The following ITIH5 variants were observed in gnomAD, a reference collection of about 807,000 sequenced individuals.
ITIH5 encodes inter-alpha-trypsin inhibitor heavy chain H5.
Under a neutral mutation model 77.5 loss-of-function variants are expected in ITIH5, and 65 were observed. That is an observed-to-expected ratio of 0.84 (90% CI 0.69 to 1.03). The LOEUF (loss-of-function observed/expected upper bound fraction) is 1.03, where lower values mean the gene tolerates loss of function less well. Ranked by LOEUF, ITIH5 falls within the 50% of genes least tolerant of loss-of-function variation. The pLI is 0.00. For missense variants in ITIH5, 1,208 were observed against 1,213.1 expected (o/e 1.00, Z 0.06); for synonymous variants, 525 against 494.3 (o/e 1.06, Z -0.82).
intron 7 of ITIH5, among the ~76,000 whole-genome samples, chr10:7,610,830 C>A (rs1174920320): frequency 2.0e-5 from 3 of 152,194 alleles, no homozygotes; most frequent in African/African-American, 7.2e-5. Flanking sequence ...GGGTGGCTCT[C>A]CTGGAAAGAG....
At chr10:7,639,029 A>G (rs1833843180) in intron 4 of ITIH5, among the ~76,000 whole-genome samples, 2 of 152,234 alleles carry the variant, frequency 1.3e-5, no homozygotes, top group Non-Finnish European at 2.9e-5. Flanking sequence ...AAACTCCAGG[A>G]AAAACAGAAA....
At chr10:7,644,818 T>A (rs200362143) in intron 2 of ITIH5, among the ~76,000 whole-genome samples, 7,227 of 106,296 alleles carry the variant, frequency 0.068, 488 homozygotes, top group Admixed American at 0.18. Context: ...CACATATATA[T>A]CATATATATC....
intron 5 of ITIH5, among the ~76,000 whole-genome samples, chr10:7,634,987 C>T (rs966245787): frequency 3.3e-5 from 5 of 152,062 alleles, no homozygotes; most frequent in Admixed American, 6.5e-5. Context: ...TTCATAGAGA[C>T]AAGTTCTTAC....
intron 5 of ITIH5, chr10:7,619,419 T>C (rs569158538): frequency 5.0e-4 from 78 of 157,522 alleles, no homozygotes; most frequent in African/African-American, 1.7e-3. Flanking sequence ...TCTCACAGTA[T>C]TGAAAAGATC....
intron 7 of ITIH5, among the ~76,000 whole-genome samples, chr10:7,608,761 T>C (rs916628029): frequency 1.3e-5 from 2 of 152,216 alleles, no homozygotes; most frequent in Non-Finnish European, 2.9e-5. Context: ...ATCCACATCA[T>C]GAAAGGGAAA....
Position 7,573,809 on chromosome 10 carries a change from G to C in ITIH5, c.1979-614C>G, listed in dbSNP as rs566063192. 2.1e-4 allele frequency among the ~76,000 whole-genome samples: 32 copies of C among 152,132 alleles called. No homozygotes were observed. In the South Asian group the frequency reaches 6.6e-3, roughly 32 times the overall value. On this transcript the variant is annotated intron_variant, in intron 10 of 13. Coordinates refer to ENST00000397146, the MANE Select transcript of ITIH5 (RefSeq NM_030569.7). The stretch of plus-strand genomic sequence containing the variant: ...TTCTGTGATTTTTGTGTATATTATA[G>C]GGGAAAATATTTTATCACACTTGAG...
chr10:7,666,636 G>T (rs1452408124), intron 1 of ITIH5, among the ~76,000 whole-genome samples, 167 bp downstream of exon 1: 1 of 152,170 alleles, frequency 6.6e-6, no homozygotes, highest in Non-Finnish European at 1.5e-5. Context: ...AGGCACCGCG[G>T]CTCACACAGA....
At chr10:7,618,809 G>C (rs772529085) in intron 5 of ITIH5, 5 of 152,178 alleles carry the variant, frequency 3.3e-5, no homozygotes, top group African/African-American at 4.8e-5. Context: ...TCTGCTGAGG[G>C]TTTATTAGAC....
rs1453041082 is a variant in ITIH5, at chr10:7,576,904, G to A, written c.1527C>T (p.Gly509=). 3 of 1,614,058 alleles carry A rather than the reference G, an allele frequency of 1.9e-6. No individual in the cohort carries two copies. The highest frequency in any genetic ancestry group is 2.7e-5 in the African/African-American group (2 of 74,916). Residue 509 remains glycine, a synonymous_variant, in exon 10 of 14, where the codon GGC becomes GGT. Coordinates refer to ENST00000397146, the MANE Select transcript of ITIH5 (RefSeq NM_030569.7). ...GCTTCCCCGCAATGATGATCTCCGAGCCGTTGAAGTAGTTGGGGAACAGGG... is the reference window on the plus strand; with the variant it reads ...GCTTCCCCGCAATGATGATCTCCGAACCGTTGAAGTAGTTGGGGAACAGGG... ...TKTLFPNYFN[G]SEIIIAGKLV...
At chr10:7,664,341 A>G (rs1834326059) in intron 1 of ITIH5, among the ~76,000 whole-genome samples, 3 of 151,724 alleles carry the variant, frequency 2.0e-5, no homozygotes, top group Admixed American at 2.0e-4. Flanking sequence ...CAGAGGTTGC[A>G]GAGAGCAGAG....
intron 1 of ITIH5, 95 bp downstream of exon 1, chr10:7,666,708 G>A: frequency 1.0e-6 from 1 of 956,070 alleles, no homozygotes; most frequent in Non-Finnish European, 1.6e-6. Flanking sequence ...CCTGGGAGAC[G>A]GTCGAAGGGG....
rs879379478 is a variant in ITIH5 at position 7,595,352 on chromosome 10, T to C, written c.940-9283A>G. ...TAGTAAACGGAAAGAATATATTTCT[T>C]ACTATTCGGGTAGCGAAGACATACC... is the stretch of plus-strand genomic sequence containing the variant. On this transcript the variant is annotated intron_variant, in intron 7 of 13. Transcript: ENST00000397146. Among the ~76,000 whole-genome samples, 557 of 137,778 alleles carry C rather than the reference T, an allele frequency of 4.0e-3. 2 individuals are homozygous for C. The highest frequency in any genetic ancestry group is 8.2e-3 in the Admixed American group (111 of 13,600). 90.4% of individuals were successfully genotyped at this position (137,778 alleles called of 152,430 possible).
intron 7 of ITIH5, among the ~76,000 whole-genome samples, chr10:7,595,962 C>T (rs533381295): frequency 6.6e-6 from 1 of 152,180 alleles, no homozygotes; most frequent in Non-Finnish European, 1.5e-5. Flanking sequence ...GAGCCGAGAT[C>T]ACGCCACTGC....
chr10:7,628,658 G>A, intron 5 of ITIH5, among the ~76,000 whole-genome samples: 1 of 99,152 alleles, frequency 1.0e-5, no homozygotes, highest in Admixed American at 9.7e-5. Flanking sequence ...ATGTTGTCTG[G>A]GTTGTCACAT....
rs574029350 is a variant in ITIH5, at chr10:7,570,773, C to T, written c.2033-989G>A. On this transcript the variant is annotated intron_variant, in intron 11 of 13. Transcript: ENST00000397146. ...GAGTAGCTGGGACTACAGGCACGTG[C>T]CACCATGCCAGGCTAATTTTTTATT... 2.0e-5 allele frequency among the ~76,000 whole-genome samples: 3 copies of T among 152,278 alleles called. No homozygotes were observed. The South Asian group carries it at 6.2e-4, about 32-fold the overall frequency.
At chr10:7,638,970 G>A (rs114630964) in intron 4 of ITIH5, among the ~76,000 whole-genome samples, 3,295 of 152,166 alleles carry the variant, frequency 0.022, 128 homozygotes, top group African/African-American at 0.076. Flanking sequence ...TATGTGTCTC[G>A]CTAGATGTTA....
intron 2 of ITIH5, among the ~76,000 whole-genome samples, chr10:7,644,770 C>G (rs900086900): frequency 7.3e-6 from 1 of 136,096 alleles, no homozygotes; most frequent in Non-Finnish European, 1.5e-5. Context: ...ACATATATAT[C>G]ATATATATCA....
intron 8 of ITIH5, among the ~76,000 whole-genome samples, chr10:7,584,975 C>A (rs1303113285): frequency 6.6e-6 from 1 of 152,142 alleles, no homozygotes; most frequent in Admixed American, 6.5e-5. Context: ...ACATTAAGTT[C>A]ATTTGGGAAA....
At chr10:7,579,425 T>C (rs919513133) in intron 9 of ITIH5, among the ~76,000 whole-genome samples, 1 of 151,864 alleles carries the variant, frequency 6.6e-6, no homozygotes, top group Admixed American at 6.6e-5. Flanking sequence ...CTCAGGAGGC[T>C]GAGGCAAGAG....
Sources: gnomAD v4.1 joint callset for allele counts (sites outside exome capture counted in the v4.1 genomes callset) on GRCh38, gnomAD v4.1.1 for gene constraint, MANE v1.5 for transcripts, NCBI Gene and HGNC (gene_info 2026-07-23, HGNC 2026-07-21) for gene names.